TANC1: variants seen among roughly 807,000 people sequenced by gnomAD.
TANC1 encodes protein TANC1.
TANC1 carries 77 observed loss-of-function variants against 149.7 expected under a neutral mutation model. The observed-to-expected ratio is 0.51, with a 90% confidence interval of 0.43 to 0.62. The LOEUF (loss-of-function observed/expected upper bound fraction) is 0.62. TANC1 is among the 20% of genes least tolerant of loss of function. TANC1 has a pLI of 0.00. For synonymous variants in TANC1, 854 were observed against 925.0 expected (o/e 0.92, Z 1.39); for missense variants, 1,985 against 2,321.8 (o/e 0.85, Z 2.98).
rs1473228108 is a variant in TANC1, at chr2:159,219,324, A to G, written c.3465A>G (p.Glu1155=). 2 of 1,614,176 alleles carry G rather than the reference A, an allele frequency of 1.2e-6. No homozygotes were observed. Among genetic ancestry groups the G allele is most frequent in the South Asian group, 2.2e-5 (2 of 91,076 alleles). Residue 1155 remains glutamate (E), a synonymous_variant, in exon 21 of 27, where the codon GAA becomes GAG. Transcript: ENST00000263635. Reference sequence around the variant, plus strand: ...CGCCCCTCATGGTGGCTGCTTGTGAAGGGCACTTGAGCACCGTGGAATTCC... The same window carrying G: ...CGCCCCTCATGGTGGCTGCTTGTGAGGGGCACTTGAGCACCGTGGAATTCC... ...GRTPLMVAAC[E]GHLSTVEFLL...
chr2:159,222,077 T>C (rs2059741662), intron 22 of TANC1, among the ~76,000 whole-genome samples: 1 of 152,224 alleles, frequency 6.6e-6, no homozygotes, highest in Non-Finnish European at 1.5e-5. Flanking sequence ...AGTTCAATGG[T>C]ATAAACTTCA....
At chr2:159,222,324 A>T (rs560193303) in intron 22 of TANC1, among the ~76,000 whole-genome samples, 3 of 152,200 alleles carry the variant, frequency 2.0e-5, no homozygotes, top group Non-Finnish European at 4.4e-5. Flanking sequence ...AAGTATATTC[A>T]CATTGTTGTA....
At chr2:159,046,440 C>T (rs1030535532) in intron 2 of TANC1, among the ~76,000 whole-genome samples, 1 of 152,064 alleles carries the variant, frequency 6.6e-6, no homozygotes. Context: ...CTGCCCTTGT[C>T]GACGTCCCAA....
chr2:159,102,241 C>CGTT (rs1444853051), intron 4 of TANC1, among the ~76,000 whole-genome samples: 16 of 152,044 alleles, frequency 1.1e-4, no homozygotes, highest in Non-Finnish European at 2.4e-4. Context: ...CCTGAGACCA[C>CGTT]ATTATGTAAC....
chr2:159,230,712 G>T lies in TANC1; in HGVS notation c.5286G>T (p.Leu1762=). The T allele has an allele frequency of 6.2e-7, 1 of 1,614,204 alleles. No individual in the cohort carries two copies. The highest frequency in any genetic ancestry group is 8.5e-7 in the Non-Finnish European group (1 of 1,180,042). Residue 1762 remains leucine (L), a synonymous_variant, in exon 27 of 27, where the codon CTG becomes CTT. Transcript: ENST00000263635. This position sits in a 1 kb window ranked among gnomAD's most constrained non-coding sequence, Gnocchi z 4.4. ...CAAACACGTCTTCTGCAGCTGGCCT[G>T]CAGTCTGCTAACACTGAGAAGCCCT... The part of the protein sequence containing the change: ...LLTNTSSAAG[L]QSANTEKPSL...
rs772102661 is a variant in TANC1, at chr2:159,170,681, C to T, written c.1227C>T (p.Gly409=). 12 of 1,613,928 alleles carry T rather than the reference C, an allele frequency of 7.4e-6. No individual in the cohort carries two copies. The highest frequency in any genetic ancestry group is 1.6e-4 in the Middle Eastern group (1 of 6,084). Reference sequence around the variant, plus strand: ...ACACAGAACTGGCAGAAAACAGAGGCGCGGTGGTGGTTGGCAATGTGGGAT... The same window carrying T: ...ACACAGAACTGGCAGAAAACAGAGGTGCGGTGGTGGTTGGCAATGTGGGAT... ...LRNTELAENR[G]AVVVGNVGFG... is the part of the protein sequence containing the mutation. The change falls in exon 10 of 27, where the codon GGC becomes GGT. Residue 409 remains glycine, a synonymous_variant. Transcript: ENST00000263635.
At chr2:159,212,826 A>T (rs2150870006) in intron 19 of TANC1, among the ~76,000 whole-genome samples, 1 of 151,780 alleles carries the variant, frequency 6.6e-6, no homozygotes, top group African/African-American at 2.4e-5. Flanking sequence ...AGGCTGAGGC[A>T]GGAAAATGGC....
chr2:159,224,660 G>A lies in TANC1; in HGVS notation c.3811+296G>A, dbSNP rs566427901. ...CAGCCTCTTGCTGTGGGGTGGGGCCGGGTAGTGCTGCTGAAAGCTCCCCCA... is the reference window on the plus strand; with the variant it reads ...CAGCCTCTTGCTGTGGGGTGGGGCCAGGTAGTGCTGCTGAAAGCTCCCCCA... On this transcript the variant is annotated intron_variant, in intron 23 of 26. Transcript: ENST00000263635. 400 of 330,756 alleles carry A rather than the reference G, an allele frequency of 1.2e-3. 1 individual carries two copies. The highest frequency in any genetic ancestry group is 2.0e-3 in the Non-Finnish European group (341 of 173,508). The allele number at this position is 330,756 out of a possible 1,614,324, so 20.5% of individuals were successfully genotyped here.
At chr2:159,212,660 G>A (rs767319178) in intron 19 of TANC1, among the ~76,000 whole-genome samples, 3 of 152,240 alleles carry the variant, frequency 2.0e-5, no homozygotes, top group African/African-American at 7.2e-5. Flanking sequence ...GGTGGTTCAC[G>A]CCTGTAATCC....
chr2:159,164,596 G>A (rs530244705), intron 8 of TANC1, among the ~76,000 whole-genome samples: 220 of 152,294 alleles, frequency 1.4e-3, no homozygotes, highest in Non-Finnish European at 2.8e-3. Flanking sequence ...TTTAGAAGAG[G>A]AACTTGTTAC....
At chr2:159,112,303 G>A (rs968415201) in intron 4 of TANC1, among the ~76,000 whole-genome samples, 1 of 151,970 alleles carries the variant, frequency 6.6e-6, no homozygotes, top group African/African-American at 2.4e-5. Context: ...CTGGAGTGCC[G>A]TGGTGTGATC....
At chr2:159,217,961 C>T (rs1001568687) in intron 20 of TANC1, among the ~76,000 whole-genome samples, 3 of 152,134 alleles carry the variant, frequency 2.0e-5, no homozygotes, top group East Asian at 1.9e-4. Context: ...AGTTTGGTGA[C>T]GCATTTGTCC....
chr2:159,058,329 A>G (rs1242148757), intron 2 of TANC1, among the ~76,000 whole-genome samples: 1 of 152,178 alleles, frequency 6.6e-6, no homozygotes, highest in Non-Finnish European at 1.5e-5. Context: ...ACACCAAATT[A>G]TTTTGACCAT....
intron 2 of TANC1, among the ~76,000 whole-genome samples, chr2:159,053,287 AAAAG>A (rs1486199076): frequency 6.6e-6 from 1 of 152,150 alleles, no homozygotes; most frequent in East Asian, 1.9e-4. Context: ...GGAAAAAAAA[AAAAG>A]AGAAAAAAAT....
At chr2:159,205,526 A>G (rs1298359441) in intron 19 of TANC1, among the ~76,000 whole-genome samples, 1 of 152,120 alleles carries the variant, frequency 6.6e-6, no homozygotes, top group African/African-American at 2.4e-5. Flanking sequence ...TACTTTTTCT[A>G]TGTTTTGTTA....
chr2:159,060,136 A>G (rs947109780), intron 2 of TANC1: 1 of 957,464 alleles, frequency 1.0e-6, no homozygotes, highest in Admixed American at 6.2e-5. Flanking sequence ...ACTACGTTTT[A>G]AGAACTTTTC....
At chr2:159,228,340 G>C (rs529790091) in intron 25 of TANC1, 1 of 268,470 alleles carries the variant, frequency 3.7e-6, no homozygotes, top group South Asian at 5.9e-5. Context: ...TTTGCTCAGA[G>C]GGTCTGCCAG....
intron 12 of TANC1, among the ~76,000 whole-genome samples, chr2:159,176,040 C>T (rs977701472): frequency 6.6e-6 from 1 of 152,118 alleles, no homozygotes; most frequent in African/African-American, 2.4e-5. Context: ...TGTATGTGTT[C>T]ATTATCTTTG....
At chr2:159,193,553 TCTCA>T (rs2057623521) in intron 16 of TANC1, among the ~76,000 whole-genome samples, 1 of 152,152 alleles carries the variant, frequency 6.6e-6, no homozygotes, top group African/African-American at 2.4e-5. Flanking sequence ...TGAGACTGAG[TCTCA>T]CTCTGTCGCC....
Sources: gnomAD v4.1 joint callset for allele counts (sites outside exome capture counted in the v4.1 genomes callset) on GRCh38, gnomAD v4.1.1 for gene constraint, Gnocchi (gnomAD v3.1) non-coding constraint, MANE v1.5 for transcripts, NCBI Gene and HGNC (gene_info 2026-07-23, HGNC 2026-07-21) for gene names.